The following SBF2 variants were observed in gnomAD, a reference collection of about 807,000 sequenced individuals.
The protein encoded by SBF2 is myotubularin-related protein 13.
Under a neutral mutation model 225.2 loss-of-function variants are expected in SBF2, and 112 were observed. The ratio of observed to expected loss-of-function variants is 0.50; its 90% CI spans 0.43 to 0.58. SBF2 has a LOEUF of 0.58. Among genes scored for constraint, SBF2 ranks in the 20% least tolerant of loss-of-function variants. The pLI is 0.00. For synonymous variants in SBF2, 763 were observed against 773.3 expected (o/e 0.99, Z 0.22); for missense variants, 1,996 against 2,206.2 (o/e 0.90, Z 1.91).
Position 9,992,979 on chromosome 11 carries a change from C to G in SBF2, c.1167+11G>C. 6.4e-7 allele frequency: 1 copy of G among 1,552,292 alleles called. No individual in the cohort carries two copies. The highest frequency in any genetic ancestry group is 8.9e-7 in the Non-Finnish European group (1 of 1,126,278). On this transcript the variant is annotated intron_variant, in intron 11 of 39. Coordinates refer to ENST00000256190, the MANE Select transcript of SBF2 (RefSeq NM_030962.4). ...TTTTTTGGACAGATACAATATAGTA[C>G]TCTATCTTACCTTGTGGAAATGTAT...
At chr11:9,901,135 T>C (rs1861690189) in intron 16 of SBF2, among the ~76,000 whole-genome samples, 1 of 152,174 alleles carries the variant, frequency 6.6e-6, no homozygotes, top group Admixed American at 6.5e-5. Flanking sequence ...AAATGATAGA[T>C]AAAATATTTT....
intron 8 of SBF2, among the ~76,000 whole-genome samples, chr11:9,999,180 G>C (rs116630783): frequency 1.3e-5 from 2 of 151,970 alleles, no homozygotes; most frequent in African/African-American, 4.8e-5. Context: ...TATTCATTAC[G>C]ATTTTAAGAA....
intron 1 of SBF2, among the ~76,000 whole-genome samples, chr11:10,242,756 T>C (rs1959351043): frequency 6.6e-6 from 1 of 152,044 alleles, no homozygotes; most frequent in African/African-American, 2.4e-5. Context: ...AGAAGGTCAT[T>C]ACATAATAAT....
chr11:9,961,009 T>C (rs970877831), intron 16 of SBF2: 12 of 152,204 alleles, frequency 7.9e-5, no homozygotes, highest in African/African-American at 2.7e-4. Context: ...ACAAGGTAAA[T>C]TGCTGTGCTT....
intron 16 of SBF2, among the ~76,000 whole-genome samples, chr11:9,939,324 C>CT (rs1447900763): frequency 6.7e-6 from 1 of 150,080 alleles, no homozygotes; most frequent in Non-Finnish European, 1.5e-5. Flanking sequence ...TGTTGATCTC[C>CT]GGACCTTGTG....
intron 1 of SBF2, among the ~76,000 whole-genome samples, chr11:10,262,156 T>C (rs1471915432): frequency 6.6e-6 from 1 of 151,958 alleles, no homozygotes; most frequent in East Asian, 1.9e-4. Flanking sequence ...GCCAAACTAG[T>C]TTGGGGGAAG....
chr11:10,240,897 T>C (rs1959200663), intron 1 of SBF2, among the ~76,000 whole-genome samples: 1 of 152,216 alleles, frequency 6.6e-6, no homozygotes, highest in Admixed American at 6.5e-5. Flanking sequence ...ATCAGTAAGT[T>C]TGATTATTTG....
intron 1 of SBF2, among the ~76,000 whole-genome samples, chr11:10,259,651 C>G (rs774254179): frequency 2.6e-5 from 4 of 152,016 alleles, no homozygotes; most frequent in Non-Finnish European, 4.4e-5. Flanking sequence ...TTGATCTTAA[C>G]AAAATAATTC....
intron 2 of SBF2, among the ~76,000 whole-genome samples, chr11:10,141,248 T>C (rs569631186): frequency 6.6e-6 from 1 of 152,280 alleles, no homozygotes; most frequent in Admixed American, 6.5e-5. Context: ...AGCTATGTTA[T>C]TAGAAGTCAC....
At chr11:10,040,752 G>A (rs1207510011) in intron 3 of SBF2, among the ~76,000 whole-genome samples, 11 of 151,694 alleles carry the variant, frequency 7.3e-5, no homozygotes, top group African/African-American at 2.7e-4. Context: ...GGGGGAGATG[G>A]GGAGAGGAGA....
chr11:10,131,067 T>A (rs1339850209), intron 2 of SBF2, among the ~76,000 whole-genome samples: 1 of 152,218 alleles, frequency 6.6e-6, no homozygotes, highest in Admixed American at 6.5e-5. Context: ...CTGAGTCATA[T>A]GGTTAAGTGT....
chr11:10,123,804 G>T (rs188159811), intron 2 of SBF2, among the ~76,000 whole-genome samples: 1 of 152,166 alleles, frequency 6.6e-6, no homozygotes, highest in African/African-American at 2.4e-5. Flanking sequence ...AAATAAAAAT[G>T]TACATTTGTC....
chr11:9,788,761 A>ATT lies in SBF2; in HGVS notation c.4932+346_4932+347dup, dbSNP rs148717661. Among the ~76,000 whole-genome samples the ATT allele has an allele frequency of 5.5e-3, 736 of 134,802 alleles. 7 individuals carry two copies. The highest frequency in any genetic ancestry group is 0.011 in the African/African-American group (405 of 35,530). The allele number at this position is 134,802 out of a possible 152,430, so 88.4% of individuals were successfully genotyped here. A position where few individuals can be genotyped will look rare whatever the true frequency, so the allele number is the denominator to read the frequency against. On this transcript the variant is annotated intron_variant, in intron 35 of 39. Coordinates refer to ENST00000256190, the MANE Select transcript of SBF2 (RefSeq NM_030962.4). ...AGGCGCCCGCCACCACGCCCGGCTA[A>ATT]TTTTTTTTTTTTTTTTGTATTTCTT...
intron 1 of SBF2, among the ~76,000 whole-genome samples, chr11:10,222,633 T>C (rs750209540): frequency 6.6e-6 from 1 of 152,212 alleles, no homozygotes; most frequent in Non-Finnish European, 1.5e-5. Flanking sequence ...ATGACTGGTC[T>C]GCACATACAA....
At chr11:9,819,746 G>A (rs186693193) in intron 28 of SBF2, among the ~76,000 whole-genome samples, 6 of 152,258 alleles carry the variant, frequency 3.9e-5, no homozygotes, top group Admixed American at 3.9e-4. Context: ...CAACACGTTT[G>A]TTCTTTGAGC....
chr11:9,906,083 C>T (rs916311756), intron 16 of SBF2, among the ~76,000 whole-genome samples: 14 of 152,154 alleles, frequency 9.2e-5, no homozygotes. Context: ...TTCTTCCTGA[C>T]TTATTCCTCA....
Position 10,042,989 on chromosome 11 carries a change from A to G in SBF2, c.142-8T>C. ...CCCGCCAGGCTGACAAAACTAAATG[A>G]AATAGAAAAAAAAATGTAACATTTA... On this transcript the variant is annotated splice_polypyrimidine_tract_variant and splice_region_variant and intron_variant, in intron 2 of 39. Transcript: ENST00000256190. 3.7e-6 allele frequency: 6 copies of G among 1,612,712 alleles called. No individual in the cohort carries two copies. The highest frequency in any genetic ancestry group is 5.1e-6 in the Non-Finnish European group (6 of 1,178,984).
intron 32 of SBF2, among the ~76,000 whole-genome samples, chr11:9,807,073 T>G (rs1590129071): frequency 6.6e-6 from 1 of 152,344 alleles, no homozygotes; most frequent in East Asian, 1.9e-4. Flanking sequence ...AATCGATATT[T>G]GAGGCCAGTG....
At chr11:10,227,305 T>G (rs1466800055) in intron 1 of SBF2, among the ~76,000 whole-genome samples, 1 of 152,256 alleles carries the variant, frequency 6.6e-6, no homozygotes, top group Non-Finnish European at 1.5e-5. Context: ...TCTTTTGCTG[T>G]GCAGAAGCTC....
Sources: allele counts gnomAD v4.1 joint callset (sites outside exome capture counted in the v4.1 genomes callset), GRCh38; gene constraint gnomAD v4.1.1; transcripts MANE v1.5; gene names NCBI Gene and HGNC (gene_info 2026-07-23, HGNC 2026-07-21).